Variants in CXADR observed in about 807,000 individuals in gnomAD.
CXADR encodes coxsackievirus and adenovirus receptor.
In CXADR, 20 loss-of-function variants were observed where a neutral mutation model predicts 40.3. The ratio of observed to expected loss-of-function variants is 0.50; its 90% CI spans 0.35 to 0.72. The LOEUF (loss-of-function observed/expected upper bound fraction) is 0.72, where lower values mean the gene tolerates loss of function less well. CXADR is among the 30% of genes least tolerant of loss of function. The probability of loss-of-function intolerance (pLI) is 0.01; values close to 1 mark genes in which losing one functional copy is unlikely to be tolerated. For missense variants in CXADR, 332 were observed against 449.1 expected, an observed-to-expected ratio of 0.74 and a Z score of 2.36; for synonymous variants, 150 against 161.3, an observed-to-expected ratio of 0.93 and a Z score of 0.53.
chr21:17,552,030 G>C, intron 3 of CXADR, 77 bp downstream of exon 3: 1 of 1,087,712 alleles, frequency 9.2e-7, no homozygotes, highest in Non-Finnish European at 1.4e-6. Context: ...AGCAGCACTT[G>C]TATAAAATAA....
chr21:17,575,256 C>G (rs112073253), intron 7 of CXADR, among the ~76,000 whole-genome samples: 1,976 of 152,172 alleles, frequency 0.013, 41 homozygotes, highest in African/African-American at 0.043. Context: ...GCGATTATAG[C>G]TCACTGCAGC....
At chr21:17,525,056 G>T (rs1239698356) in intron 1 of CXADR, among the ~76,000 whole-genome samples, 1 of 152,174 alleles carries the variant, frequency 6.6e-6, no homozygotes, top group Non-Finnish European at 1.5e-5. Flanking sequence ...GAAAAGGGAA[G>T]GAGATAATAG....
the CXADR span, among the ~76,000 whole-genome samples, chr21:17,616,783 A>G: frequency 1.3e-5 from 2 of 152,320 alleles, no homozygotes; most frequent in African/African-American, 4.8e-5. Context: ...CTATAATTTT[A>G]AGAACACTTC....
At chr21:17,539,616 A>C (rs1206969173) in intron 1 of CXADR, among the ~76,000 whole-genome samples, 1 of 152,234 alleles carries the variant, frequency 6.6e-6, no homozygotes, top group Non-Finnish European at 1.5e-5. Context: ...TGTAAGGATC[A>C]GATGAAATAA....
downstream of CXADR, among the ~76,000 whole-genome samples, chr21:17,594,803 T>C (rs371480553): frequency 9.0e-4 from 137 of 151,916 alleles, no homozygotes; most frequent in Non-Finnish European, 1.4e-3. Context: ...TAAGAACTTA[T>C]GAACACAAAG....
At chr21:17,603,980 C>G in the CXADR span, among the ~76,000 whole-genome samples, 1 of 152,130 alleles carries the variant, frequency 6.6e-6, no homozygotes, top group African/African-American at 2.4e-5. Context: ...TTTTGAAAAC[C>G]CTACAACTGA....
chr21:17,574,904 A>C (rs1035680833), downstream of CXADR, among the ~76,000 whole-genome samples: 1 of 151,858 alleles, frequency 6.6e-6, no homozygotes, highest in Non-Finnish European at 1.5e-5. Flanking sequence ...GATGTGTGTG[A>C]TATAAACAAG....
Position 17,513,162 on chromosome 21 carries a change from C to T in CXADR, c.33C>T (p.Cys11=). The part of the protein sequence containing the change: MALLLCFVLL[C]GVVDFARSLS... Reference sequence around the variant, plus strand: ...TCCTGCTGTGCTTCGTGCTCCTGTGCGGAGTAGTGGGTGAGTAGGGGCCAT... The same window carrying T: ...TCCTGCTGTGCTTCGTGCTCCTGTGTGGAGTAGTGGGTGAGTAGGGGCCAT... Residue 11 remains cysteine, a synonymous_variant, in exon 1 of 7, where the codon TGC becomes TGT. Coordinates refer to ENST00000284878, the MANE Select transcript of CXADR (RefSeq NM_001338.5). The T allele has an allele frequency of 7.3e-7, 1 of 1,366,764 alleles. No homozygotes were observed. The highest frequency in any genetic ancestry group is 9.5e-7 in the Non-Finnish European group (1 of 1,057,328). The allele number at this position is 1,366,764 out of a possible 1,614,324, so 84.7% of individuals were successfully genotyped here.
chr21:17,582,360 G>A (rs948321488), intron 7 of CXADR, among the ~76,000 whole-genome samples: 3 of 151,996 alleles, frequency 2.0e-5, no homozygotes, highest in African/African-American at 4.8e-5. Flanking sequence ...GATTTGACCC[G>A]CAACTTTTCC....
intron 1 of CXADR, among the ~76,000 whole-genome samples, chr21:17,538,243 G>T (rs925384336): frequency 5.3e-5 from 8 of 152,014 alleles, no homozygotes; most frequent in African/African-American, 1.9e-4. Context: ...CTCGTGATCC[G>T]CCTGCCTTGG....
At chr21:17,518,394 CA>C in intron 1 of CXADR, 1 of 496,038 alleles carries the variant, frequency 2.0e-6, no homozygotes, top group Non-Finnish European at 3.7e-6. Flanking sequence ...AAATGCTGAA[CA>C]GCATTATTAA....
At chr21:17,543,146 A>T (rs1050943551) in intron 1 of CXADR, 25 of 212,490 alleles carry the variant, frequency 1.2e-4, no homozygotes, top group African/African-American at 4.9e-4. Flanking sequence ...ATACTCATTT[A>T]AAAAAATCTC....
At chr21:17,615,832 T>C in the CXADR span, among the ~76,000 whole-genome samples, 7 of 152,230 alleles carry the variant, frequency 4.6e-5, no homozygotes, top group Non-Finnish European at 1.0e-4. Flanking sequence ...TGGTTGTGTC[T>C]CAGAGTTGCA....
the CXADR span, among the ~76,000 whole-genome samples, chr21:17,629,048 TATACAA>T: frequency 2.6e-5 from 4 of 152,106 alleles, no homozygotes; most frequent in Non-Finnish European, 2.9e-5. Context: ...CAAGTTGACA[TATACAA>T]TTAACCATCA....
chr21:17,548,726 G>A (rs1345489483), intron 2 of CXADR, among the ~76,000 whole-genome samples: 1 of 152,230 alleles, frequency 6.6e-6, no homozygotes, highest in Non-Finnish European at 1.5e-5. Flanking sequence ...ACTGTGCCCT[G>A]AGCCATTAGC....
Position 17,567,475 on chromosome 21 carries a change from A to G in CXADR, c.*1783A>G, listed in dbSNP as rs562191430. The stretch of plus-strand genomic sequence containing the variant: ...CTATGAGCTAGCTATCACCTACCTG[A>G]AAGGTGCTTAGAGGTGAAGGTACTG... On this transcript the variant is annotated 3_prime_UTR_variant, in exon 7 of 7. Transcript: ENST00000284878. 33 of 985,336 alleles carry G rather than the reference A, an allele frequency of 3.3e-5. No homozygotes were observed. In the African/African-American group the frequency reaches 5.6e-4, roughly 17 times the overall value. The allele number at this position is 985,336 out of a possible 1,614,324, so 61.0% of individuals were successfully genotyped here.
In CXADR at chr21:17,558,971, T is replaced by A; in HGVS notation, c.416-5T>A. 1 of 1,603,070 alleles carries A rather than the reference T, an allele frequency of 6.2e-7. No homozygotes were observed. Among genetic ancestry groups the A allele is most frequent in the Non-Finnish European group, 8.5e-7 (1 of 1,175,468 alleles). ...TGTAAATTTATAATTTGTTTTCTCT[T>A]TCAGTTAAGCCTTCAGGTGCGAGAT... On this transcript the variant is annotated splice_region_variant and splice_polypyrimidine_tract_variant and intron_variant, in intron 3 of 6. Transcript: ENST00000284878.
At position 17,569,817 on chromosome 21, in the gene CXADR, A is replaced by T; in HGVS notation, c.*4125A>T. The T allele has an allele frequency of 1.0e-6, 1 of 985,358 alleles. No individual in the cohort carries two copies. The highest frequency in any genetic ancestry group is 1.1e-4 in the East Asian group (1 of 8,818). The allele number at this position is 985,358 out of a possible 1,614,324, so 61.0% of individuals were successfully genotyped here. A position where few individuals can be genotyped will look rare whatever the true frequency, so the allele number is the denominator to read the frequency against. On this transcript the variant is annotated 3_prime_UTR_variant, in exon 7 of 7. Transcript: ENST00000284878. ...GTTTTCTGCTAACTTATTTAATGAC[A>T]CAAGTTTTAAGAGAACCACAATTCA...
the CXADR span, among the ~76,000 whole-genome samples, chr21:17,607,545 C>T: frequency 6.6e-6 from 1 of 152,124 alleles, no homozygotes; most frequent in Non-Finnish European, 1.5e-5. Context: ...CTCTTCTTGT[C>T]AATAGAACAC....
Sources: gnomAD v4.1 joint callset for allele counts (sites outside exome capture counted in the v4.1 genomes callset) on GRCh38, gnomAD v4.1.1 for gene constraint, MANE v1.5 for transcripts, NCBI Gene and HGNC (gene_info 2026-07-23, HGNC 2026-07-21) for gene names.